The following TMEM132D variants were observed in gnomAD, a reference collection of about 807,000 sequenced individuals.
TMEM132D encodes the protein mature OL transmembrane protein.
Under a neutral mutation model 62.3 loss-of-function variants are expected in TMEM132D, and 21 were observed. The observed-to-expected ratio is 0.34, with a 90% CI of 0.24 to 0.49. The LOEUF (loss-of-function observed/expected upper bound fraction) is 0.49, where lower values mean the gene tolerates loss of function less well. TMEM132D is among the 20% of genes least tolerant of loss of function. The pLI is 0.99. For synonymous variants in TMEM132D, 621 were observed against 575.6 expected (o/e 1.08, Z -1.13); for missense variants, 1,346 against 1,402.8 (o/e 0.96, Z 0.65).
intron 2 of TMEM132D, among the ~76,000 whole-genome samples, chr12:129,667,003 T>C (rs1880392392): frequency 1.6e-5 from 1 of 61,968 alleles, no homozygotes; most frequent in South Asian, 6.3e-4. Flanking sequence ...GGGTTAATCT[T>C]ATAAAAAAAT....
At chr12:129,656,448 T>A (rs1026802699) in intron 2 of TMEM132D, among the ~76,000 whole-genome samples, 3 of 152,174 alleles carry the variant, frequency 2.0e-5, no homozygotes, top group African/African-American at 7.2e-5. Flanking sequence ...AAGCTCCATA[T>A]CTACAGGAGT....
chr12:129,587,367 A>AG (rs1473901994), intron 2 of TMEM132D, among the ~76,000 whole-genome samples: 1 of 152,210 alleles, frequency 6.6e-6, no homozygotes, highest in East Asian at 1.9e-4. Flanking sequence ...GTAGAGGGTA[A>AG]GGATACACAC....
chr12:129,715,444 G>A (rs1267045057), intron 1 of TMEM132D, among the ~76,000 whole-genome samples: 1 of 152,198 alleles, frequency 6.6e-6, no homozygotes, highest in Non-Finnish European at 1.5e-5. Context: ...CTGTGCTTCA[G>A]TGAAAACTGA....
At chr12:129,432,759 G>C (rs1436094027) in intron 3 of TMEM132D, among the ~76,000 whole-genome samples, 3 of 152,278 alleles carry the variant, frequency 2.0e-5, no homozygotes, top group East Asian at 3.9e-4. Flanking sequence ...AATTAAGGAG[G>C]ATACATGTTT....
chr12:129,739,022 T>C lies in TMEM132D; in HGVS notation c.80-38324A>G, dbSNP rs1021668380. Among the ~76,000 whole-genome samples, 4 of 152,234 alleles carry C rather than the reference T, an allele frequency of 2.6e-5. No homozygotes were observed. In the East Asian group the frequency reaches 5.8e-4, roughly 22 times the overall value. ...CCCAAATCATGGGGCCAGAGACTGT[T>C]CCATTCCTCTTAAGAAGACGACAAA... On this transcript the variant is annotated intron_variant, in intron 1 of 8. Transcript: ENST00000422113.
intron 2 of TMEM132D, among the ~76,000 whole-genome samples, chr12:129,634,850 CA>C (rs1388898499): frequency 3.9e-5 from 6 of 152,090 alleles, no homozygotes; most frequent in Non-Finnish European, 7.4e-5. Context: ...TAAGAGTTTA[CA>C]AATATAAATA....
intron 2 of TMEM132D, among the ~76,000 whole-genome samples, chr12:129,544,737 A>C (rs73435669): frequency 0.075 from 11,369 of 152,264 alleles, 1,434 homozygotes; most frequent in African/African-American, 0.26. Flanking sequence ...AAGAGAAAGA[A>C]AAAATAAAAA....
chr12:129,705,956 C>A (rs2137232050), intron 1 of TMEM132D, among the ~76,000 whole-genome samples: 1 of 152,158 alleles, frequency 6.6e-6, no homozygotes, highest in African/African-American at 2.4e-5. Flanking sequence ...TAGTCAATGA[C>A]AACCAAATAA....
intron 5 of TMEM132D, among the ~76,000 whole-genome samples, chr12:129,149,855 C>A (rs1274445754): frequency 6.6e-6 from 1 of 152,182 alleles, no homozygotes. Flanking sequence ...TGAGACCAAG[C>A]TCCTGTGTGT....
intron 3 of TMEM132D, among the ~76,000 whole-genome samples, chr12:129,419,211 G>A (rs1328508179): frequency 6.6e-6 from 1 of 152,050 alleles, no homozygotes; most frequent in Non-Finnish European, 1.5e-5. Flanking sequence ...TTCAAGTTTG[G>A]GTGGGACTCA....
intron 4 of TMEM132D, among the ~76,000 whole-genome samples, chr12:129,309,896 C>T (rs1881932170): frequency 6.6e-6 from 1 of 152,100 alleles, no homozygotes; most frequent in Admixed American, 6.5e-5. Flanking sequence ...TAGAGTCGTC[C>T]TCTGCAGCTG....
In TMEM132D at chr12:129,301,775, C is replaced by T. The variant is rs10047663; in HGVS notation, c.1299+35859G>A. ...TTGTCTCCACTTACAAATGAGGAAACTGAGGTTTAGGGTGATTAAATGAAA... is the reference window on the plus strand; with the variant it reads ...TTGTCTCCACTTACAAATGAGGAAATTGAGGTTTAGGGTGATTAAATGAAA... On this transcript the variant is annotated intron_variant, in intron 4 of 8. Coordinates refer to ENST00000422113, the MANE Select transcript of TMEM132D (RefSeq NM_133448.3). Among the ~76,000 whole-genome samples the T allele has an allele frequency of 6.1e-3, 929 of 152,204 alleles. 30 individuals carry two copies. The highest frequency in any genetic ancestry group is 0.053 in the Admixed American group (809 of 15,286).
At chr12:129,844,030 G>A (rs1276842603) in intron 1 of TMEM132D, among the ~76,000 whole-genome samples, 5 of 152,148 alleles carry the variant, frequency 3.3e-5, no homozygotes, top group East Asian at 1.9e-4. Context: ...GAGCCCAGGA[G>A]GTCAAGACTG....
At chr12:129,326,307 C>T (rs1421914046) in intron 4 of TMEM132D, among the ~76,000 whole-genome samples, 1 of 152,104 alleles carries the variant, frequency 6.6e-6, no homozygotes, top group East Asian at 1.9e-4. Context: ...GGGGGATTTT[C>T]AACCCCCAGA....
chr12:129,782,485 C>T (rs759371300), intron 1 of TMEM132D, among the ~76,000 whole-genome samples: 2 of 152,168 alleles, frequency 1.3e-5, no homozygotes, highest in African/African-American at 2.4e-5. Context: ...TTGTACCTGG[C>T]TTATGGGATA....
chr12:129,114,618 C>G (rs931974330), intron 5 of TMEM132D, among the ~76,000 whole-genome samples: 3 of 152,202 alleles, frequency 2.0e-5, no homozygotes, highest in African/African-American at 7.2e-5. Context: ...TGCAGACCCA[C>G]TTCAACAACC....
chr12:129,514,675 C>T (rs1025395937), intron 3 of TMEM132D, among the ~76,000 whole-genome samples: 2 of 152,160 alleles, frequency 1.3e-5, no homozygotes, highest in Admixed American at 1.3e-4. Flanking sequence ...AAATTAGATG[C>T]CTAATATACA....
At chr12:129,439,509 G>T (rs371861062) in intron 3 of TMEM132D, among the ~76,000 whole-genome samples, 4 of 152,118 alleles carry the variant, frequency 2.6e-5, no homozygotes, top group East Asian at 3.9e-4. Flanking sequence ...GAGTGCAGTG[G>T]CATGATCTCA....
In TMEM132D at chr12:129,648,949, T is replaced by C. The variant is rs537986071; in HGVS notation, c.968+50861A>G. Among the ~76,000 whole-genome samples, 211 of 152,290 alleles carry C rather than the reference T, an allele frequency of 1.4e-3. No individual in the cohort carries two copies. The Middle Eastern group carries it at 0.017, about 12-fold the overall frequency. Reference sequence around the variant, plus strand: ...AACTGGAGAGGTCTCCCAAGCCCCATGTTAAGCACACTTCAGAGTTCCAAC... The same window carrying C: ...AACTGGAGAGGTCTCCCAAGCCCCACGTTAAGCACACTTCAGAGTTCCAAC... On this transcript the variant is annotated intron_variant, in intron 2 of 8. Coordinates refer to ENST00000422113, the MANE Select transcript of TMEM132D (RefSeq NM_133448.3).
Sources: allele counts gnomAD v4.1 joint callset (sites outside exome capture counted in the v4.1 genomes callset), GRCh38; gene constraint gnomAD v4.1.1; transcripts MANE v1.5; gene names NCBI Gene and HGNC (gene_info 2026-07-23, HGNC 2026-07-21).